GOLGA3: variants seen among roughly 807,000 people sequenced by gnomAD.
The protein encoded by GOLGA3 is golgin A3.
In GOLGA3, 75 loss-of-function variants were observed where a neutral mutation model predicts 169.4. The ratio of observed to expected loss-of-function variants is 0.44; its 90% CI spans 0.37 to 0.54. GOLGA3 has a LOEUF of 0.54. GOLGA3 is among the 20% of genes least tolerant of loss of function. The pLI is 0.00. For missense variants in GOLGA3, 1,899 were observed against 1,930.0 expected, an observed-to-expected ratio of 0.98 and a Z score of 0.30; for synonymous variants, 824 against 822.4, an observed-to-expected ratio of 1.00 and a Z score of -0.03.
chr12:132,813,454 A>G (rs760436369), intron 3 of GOLGA3, 35 bp from the exon 4 acceptor site: 1 of 1,169,514 alleles, frequency 8.6e-7, no homozygotes, highest in African/African-American at 1.5e-5. Flanking sequence ...GAAACTCATA[A>G]AATACCAGGA....
intron 12 of GOLGA3, among the ~76,000 whole-genome samples, chr12:132,790,124 G>A (rs552728473): frequency 1.6e-3 from 240 of 152,186 alleles, no homozygotes; most frequent in African/African-American, 5.4e-3. Context: ...GAGGTCAGGA[G>A]ATTGAGACCA....
chr12:132,824,747 G>A (rs749194805), intron 1 of GOLGA3, among the ~76,000 whole-genome samples: 4 of 152,100 alleles, frequency 2.6e-5, no homozygotes, highest in Middle Eastern at 3.2e-3. Flanking sequence ...GGTGATAAAT[G>A]GGCCTTAGAG....
In GOLGA3 at chr12:132,821,993, T is replaced by C. The variant is rs1950242040; in HGVS notation, c.133+3A>G. On this transcript the variant is annotated splice_donor_region_variant and intron_variant, in intron 2 of 23. Coordinates refer to ENST00000450791, the MANE Select transcript of GOLGA3 (RefSeq NM_001389683.1). ...CAGCACACAGAGGAACCTCACGACT[T>C]ACACTGGACTTTGTCCTGCTGGTCA... 6.3e-7 allele frequency: 1 copy of C among 1,597,114 alleles called. No individual in the cohort carries two copies. The highest frequency in any genetic ancestry group is 1.1e-5 in the South Asian group (1 of 89,570).
At position 132,777,528 on chromosome 12, in the gene GOLGA3, C is replaced by T; in HGVS notation, c.3722+138G>A. On this transcript the variant is annotated intron_variant, in intron 19 of 23. Coordinates refer to ENST00000450791, the MANE Select transcript of GOLGA3 (RefSeq NM_001389683.1). This position sits in a 1 kb window ranked among gnomAD's most constrained non-coding sequence, Gnocchi z 4.7. ...GATTCTGGAGACGGAGGCTGGGTGCCTTCTACTCCTATGATTCACTCAAGT... is the reference window on the plus strand; with the variant it reads ...GATTCTGGAGACGGAGGCTGGGTGCTTTCTACTCCTATGATTCACTCAAGT... 5.5e-6 allele frequency: 5 copies of T among 907,160 alleles called. No individual in the cohort carries two copies. Among genetic ancestry groups the T allele is most frequent in the Non-Finnish European group, 8.3e-6 (5 of 598,958 alleles). The allele number at this position is 907,160 out of a possible 1,614,324, so 56.2% of individuals were successfully genotyped here.
intron 21 of GOLGA3, among the ~76,000 whole-genome samples, chr12:132,775,872 CG>C (rs1339971814): frequency 6.6e-6 from 1 of 152,248 alleles, no homozygotes; most frequent in African/African-American, 2.4e-5. Context: ...AGAAGTTTAT[CG>C]CAAATTGGCA....
chr12:132,804,890 G>C lies in GOLGA3; in HGVS notation c.1423C>G (p.Gln475Glu), dbSNP rs761781464. Residue 475 changes from glutamine (Q) to glutamate (E), a missense_variant, in exon 7 of 24, where the codon CAG becomes GAG. Physicochemically the swap from Gln to Glu is conservative, Grantham distance 29. Transcript: ENST00000450791. The surrounding 1 kb of genome is among the most constrained non-coding windows in gnomAD (Gnocchi z 4.1). Reference sequence around the variant, plus strand: ...GCTCGCTCCAGGTCCCAGCACGACTGCTTCAGGGTGTCCACCTCCGAGCTC... The same window carrying C: ...GCTCGCTCCAGGTCCCAGCACGACTCCTTCAGGGTGTCCACCTCCGAGCTC... ...SLSSEVDTLK[Q>E]SCWDLERAMT... is the part of the protein sequence containing the mutation. The C allele has an allele frequency of 8.7e-6, 14 of 1,614,092 alleles. No homozygotes were observed. Among genetic ancestry groups the C allele is most frequent in the Non-Finnish European group, 1.2e-5 (14 of 1,180,030 alleles).
At chr12:132,792,353 A>C (rs1948571061) in intron 11 of GOLGA3, among the ~76,000 whole-genome samples, 1 of 152,232 alleles carries the variant, frequency 6.6e-6, no homozygotes, top group East Asian at 1.9e-4. Context: ...GCTGCACGTC[A>C]GTCACAGCTG....
intron 1 of GOLGA3, among the ~76,000 whole-genome samples, chr12:132,827,382 C>CA (rs1300217051): frequency 2.6e-5 from 4 of 152,212 alleles, no homozygotes; most frequent in Non-Finnish European, 5.9e-5. Context: ...CCCGACCCTC[C>CA]ACCACTTACC....
chr12:132,805,169 CCCCAAGACCCCCAGGCGCTCT>C, intron 6 of GOLGA3, 147 bp from the exon 7 acceptor site: 3 of 778,954 alleles, frequency 3.9e-6, no homozygotes, highest in Non-Finnish European at 6.0e-6. Flanking sequence ...TGACAGAGGA[CCCCAAGACCCCCAGGCGCTCT>C]CCCAAGGCCT....
intron 11 of GOLGA3, 54 bp downstream of exon 11, chr12:132,795,798 T>TCA: frequency 6.6e-7 from 1 of 1,511,020 alleles, no homozygotes; most frequent in Admixed American, 2.0e-5. Flanking sequence ...ATAATCAGCA[T>TCA]CATTCCTGCA....
At chr12:132,802,037 TGCGGGACACAAG>T (rs1949153126) in intron 7 of GOLGA3, 68 bp from the exon 8 acceptor site, 1 of 1,251,414 alleles carries the variant, frequency 8.0e-7, no homozygotes. Context: ...GCTCCGCGCG[TGCGGGACACAAG>T]GCGGGACTCT....
Position 132,816,571 on chromosome 12 carries a change from T to A in GOLGA3, c.375A>T (p.Arg125Ser). 1 of 1,613,892 alleles carries A rather than the reference T, an allele frequency of 6.2e-7. No individual in the cohort carries two copies. The highest frequency in any genetic ancestry group is 8.5e-7 in the Non-Finnish European group (1 of 1,179,944). ...GCGTTTCTTGCATAGGAAGACTGAG[T>A]CTGAGAGACTGCAAAGCTTCTTTTC... ...SVRKEALQSL[R>S]LSLPMQETQL... Residue 125 changes from arginine (R) to serine (S), a missense_variant, in exon 3 of 24, where the codon AGA (arginine) becomes AGT (serine). Physicochemically the swap from Arg to Ser is moderately radical, Grantham distance 110. Transcript: ENST00000450791.
Position 132,795,981 on chromosome 12 carries a change from C to T in GOLGA3, c.2340G>A (p.Ala780=), listed in dbSNP as rs772793517. The T allele has an allele frequency of 1.1e-5, 18 of 1,613,812 alleles. No individual in the cohort carries two copies. The highest frequency in any genetic ancestry group is 6.6e-5 in the South Asian group (6 of 91,080). Residue 780 remains alanine (A), a synonymous_variant, in exon 11 of 24, where the codon GCG becomes GCA. Transcript: ENST00000450791. Reference sequence around the variant, plus strand: ...TGCCACTCTTGGCCGCCTGCAAAGCCGCCTCCAAGATGATCTTCTCGTTCT... The same window carrying T: ...TGCCACTCTTGGCCGCCTGCAAAGCTGCCTCCAAGATGATCTTCTCGTTCT... ...LLQNEKIILE[A]ALQAAKSGKE...
At chr12:132,785,579 C>T (rs1218441377) in intron 15 of GOLGA3, among the ~76,000 whole-genome samples, 2 of 152,170 alleles carry the variant, frequency 1.3e-5, no homozygotes, top group African/African-American at 4.8e-5. Context: ...TCCCAAAGCG[C>T]TGGGATTATA....
At chr12:132,825,075 T>C (rs1193860857) in intron 1 of GOLGA3, among the ~76,000 whole-genome samples, 1 of 152,168 alleles carries the variant, frequency 6.6e-6, no homozygotes, top group Non-Finnish European at 1.5e-5. Context: ...TGAATACTGG[T>C]ACCCTGTACA....
chr12:132,769,450 G>A lies in GOLGA3; in HGVS notation c.*3655C>T, dbSNP rs1193437204. ...AGCACAGCACGGACTGTGTTCTGGT[G>A]GGCAGGGCCCCTGCTGGACCCACCC... On this transcript the variant is annotated 3_prime_UTR_variant, in exon 24 of 24. Coordinates refer to ENST00000450791, the MANE Select transcript of GOLGA3 (RefSeq NM_001389683.1). 1 of 152,278 alleles carries A rather than the reference G, an allele frequency of 6.6e-6. No individual in the cohort carries two copies. Among genetic ancestry groups the A allele is most frequent in the East Asian group, 1.9e-4 (1 of 5,208 alleles). The allele number at this position is 152,278 out of a possible 1,614,324, so 9.4% of individuals were successfully genotyped here. A position where few individuals can be genotyped will look rare whatever the true frequency, so the allele number is the denominator to read the frequency against.
At chr12:132,803,641 G>T (rs576319946) in intron 7 of GOLGA3, among the ~76,000 whole-genome samples, 54 of 151,980 alleles carry the variant, frequency 3.6e-4, no homozygotes, top group Non-Finnish European at 7.4e-4. Flanking sequence ...ATATTAAAGC[G>T]ATTACAAGAG....
intron 3 of GOLGA3, among the ~76,000 whole-genome samples, chr12:132,813,950 T>A (rs535466146): frequency 1.0e-3 from 156 of 151,414 alleles, no homozygotes; most frequent in Non-Finnish European, 1.9e-3. Context: ...GGTCTCGATC[T>A]CCTGACCTCA....
rs1398116337 is a variant in GOLGA3, at chr12:132,804,467, G to T, written c.1597+249C>A. On this transcript the variant is annotated intron_variant, in intron 7 of 23. Coordinates refer to ENST00000450791, the MANE Select transcript of GOLGA3 (RefSeq NM_001389683.1). This position sits in a 1 kb window ranked among gnomAD's most constrained non-coding sequence, Gnocchi z 4.1. ...CTATAAACCAATGCAACCCTCACAG[G>T]CACAGTCACATGCCGACAGAGCTGT... Among the ~76,000 whole-genome samples, 1 of 152,194 alleles carries T rather than the reference G, an allele frequency of 6.6e-6. No homozygotes were observed. The highest frequency in any genetic ancestry group is 2.4e-5 in the African/African-American group (1 of 41,442).
Sources: allele counts gnomAD v4.1 joint callset (sites outside exome capture counted in the v4.1 genomes callset), GRCh38; gene constraint gnomAD v4.1.1; non-coding constraint Gnocchi (gnomAD v3.1); transcripts MANE v1.5; gene names NCBI Gene and HGNC (gene_info 2026-07-23, HGNC 2026-07-21).